Variants in ADARB2 observed in about 807,000 individuals in gnomAD.
The protein encoded by ADARB2 is inactive double-stranded RNA-specific editase B2.
In ADARB2, 25 loss-of-function variants were observed where a neutral mutation model predicts 62.2. That is an observed-to-expected ratio of 0.40 (90% CI 0.29 to 0.56). The LOEUF (loss-of-function observed/expected upper bound fraction) is 0.56, where lower values mean the gene tolerates loss of function less well. ADARB2 is among the 20% of genes least tolerant of loss of function. The pLI, the probability that ADARB2 is intolerant of heterozygous loss-of-function variation, is 0.43. For synonymous variants in ADARB2, 572 were observed against 500.8 expected, an observed-to-expected ratio of 1.14 and a Z score of -1.90; for missense variants, 1,071 against 1,077.4, an observed-to-expected ratio of 0.99 and a Z score of 0.08.
intron 1 of ADARB2, among the ~76,000 whole-genome samples, chr10:1,502,963 G>A (rs1469268518): frequency 2.6e-5 from 4 of 151,840 alleles, no homozygotes; most frequent in African/African-American, 4.8e-5. Flanking sequence ...TATTTTTTGC[G>A]GCAATCTAGC....
At chr10:1,735,746 C>G (rs554931770) in intron 1 of ADARB2, among the ~76,000 whole-genome samples, 78 of 152,238 alleles carry the variant, frequency 5.1e-4, no homozygotes, top group Non-Finnish European at 2.1e-4. Context: ...AAACCAAAGG[C>G]TCCAAAACCT....
At chr10:1,276,636 G>C (rs998218324) in intron 3 of ADARB2, among the ~76,000 whole-genome samples, 1 of 151,950 alleles carries the variant, frequency 6.6e-6, no homozygotes, top group Non-Finnish European at 1.5e-5. Flanking sequence ...AAAAGACTTA[G>C]ACTCCCAAAC....
Position 1,709,896 on chromosome 10 carries a change from A to G in ADARB2, c.100+27155T>C, listed in dbSNP as rs199688828. On this transcript the variant is annotated intron_variant, in intron 1 of 9. Transcript: ENST00000381312. ...AACTTTAAGCAGAATTTCAAGTGCC[A>G]AGTCTCTAAAGCCAAGTGGGGCTAT... 1.8e-4 allele frequency among the ~76,000 whole-genome samples: 27 copies of G among 152,346 alleles called. No individual in the cohort carries two copies. The East Asian group carries it at 5.2e-3, about 29-fold the overall frequency.
At chr10:1,190,072 A>C (rs914416366) in intron 8 of ADARB2, among the ~76,000 whole-genome samples, 2 of 152,134 alleles carry the variant, frequency 1.3e-5, no homozygotes, top group African/African-American at 4.8e-5. Flanking sequence ...TGAACTCAGA[A>C]AACGTGAGCA....
At chr10:1,550,848 G>A (rs1226603906) in intron 1 of ADARB2, among the ~76,000 whole-genome samples, 1 of 144,860 alleles carries the variant, frequency 6.9e-6, no homozygotes, top group Non-Finnish European at 1.5e-5. Flanking sequence ...CGGTCCCCGC[G>A]CTTCCCAGGC....
At chr10:1,409,627 GTGGTGCCGAGGCCTGGCTGTGGTCA>G (rs1383665648) in intron 1 of ADARB2, among the ~76,000 whole-genome samples, 12 of 142,018 alleles carry the variant, frequency 8.4e-5, no homozygotes, top group East Asian at 6.8e-4. Flanking sequence ...ATGATTGTCA[GTGGTGCCGAGGCCTGGCTGTGGTCA>G]TGGTGCCGAG....
At chr10:1,595,932 G>A (rs1189293612) in intron 1 of ADARB2, among the ~76,000 whole-genome samples, 4 of 152,288 alleles carry the variant, frequency 2.6e-5, no homozygotes, top group African/African-American at 4.8e-5. Context: ...CGCTGGCCTC[G>A]CTCATGCCTT....
intron 1 of ADARB2, among the ~76,000 whole-genome samples, chr10:1,731,372 A>T (rs765255999): frequency 1.4e-4 from 22 of 152,234 alleles, no homozygotes; most frequent in Non-Finnish European, 2.4e-4. Flanking sequence ...GGATGTCTTG[A>T]TACTAAGACA....
Position 1,179,901 on chromosome 10 carries a change from T to C in ADARB2, c.*3292A>G, listed in dbSNP as rs1836644687. ...CCCCTTGTGTCGTGCCCAGCGTATT[T>C]TCAGGGTGACAGAAAGTGACCCATC... On this transcript the variant is annotated 3_prime_UTR_variant, in exon 10 of 10. Coordinates refer to ENST00000381312, the MANE Select transcript of ADARB2 (RefSeq NM_018702.4). 3 of 151,940 alleles carry C rather than the reference T, an allele frequency of 2.0e-5. No homozygotes were observed. The highest frequency in any genetic ancestry group is 1.3e-4 in the Admixed American group (2 of 15,264). 9.4% of individuals were successfully genotyped at this position (151,940 alleles called of 1,614,324 possible).
intron 1 of ADARB2, among the ~76,000 whole-genome samples, chr10:1,472,103 C>T (rs904320798): frequency 9.2e-5 from 14 of 152,190 alleles, no homozygotes; most frequent in East Asian, 1.9e-4. Context: ...GCCAGTGAGA[C>T]GGCTGAGATG....
Position 1,183,089 on chromosome 10 carries a change from A to C in ADARB2, c.*104T>G, listed in dbSNP as rs1248491766. The C allele has an allele frequency of 3.7e-6, 5 of 1,345,390 alleles. No homozygotes were observed. The Admixed American group carries it at 1.1e-4, about 31-fold the overall frequency. The allele number at this position is 1,345,390 out of a possible 1,614,324, so 83.3% of individuals were successfully genotyped here. On this transcript the variant is annotated 3_prime_UTR_variant, in exon 10 of 10. Transcript: ENST00000381312. Reference sequence around the variant, plus strand: ...CACTCGCGTGTTTCTGGGACACCAAAGTAAAACGAATGCAGGGAACCGGCC... The same window carrying C: ...CACTCGCGTGTTTCTGGGACACCAACGTAAAACGAATGCAGGGAACCGGCC...
rs55975325 is a variant in ADARB2 at position 1,428,292 on chromosome 10, A to AT, written c.101-49133dup. Among the ~76,000 whole-genome samples the AT allele has an allele frequency of 3.8e-3, 485 of 128,150 alleles. 1 individual carries two copies. Among genetic ancestry groups the AT allele is most frequent in the Middle Eastern group, 0.011 (2 of 180 alleles). The allele number at this position is 128,150 out of a possible 152,430, so 84.1% of individuals were successfully genotyped here. On this transcript the variant is annotated intron_variant, in intron 1 of 9. Transcript: ENST00000381312. Reference sequence around the variant, plus strand: ...CTGCCTCCAAAATGTTTTTATGCCTATTTTTTTTTTTTTTGACAGAGTCTT... The same window carrying AT: ...CTGCCTCCAAAATGTTTTTATGCCTATTTTTTTTTTTTTTTGACAGAGTCTT...
intron 8 of ADARB2, chr10:1,199,745 C>T: frequency 2.1e-6 from 1 of 485,892 alleles, no homozygotes; most frequent in East Asian, 3.3e-5. Flanking sequence ...CACCATCACA[C>T]AATCACGAAT....
chr10:1,286,269 A>G (rs1428956936), intron 3 of ADARB2, among the ~76,000 whole-genome samples: 1 of 152,108 alleles, frequency 6.6e-6, no homozygotes, highest in Admixed American at 6.5e-5. Context: ...GCCAAACACA[A>G]ACCGAAGCCT....
intron 7 of ADARB2, among the ~76,000 whole-genome samples, chr10:1,207,876 C>T (rs1210476591): frequency 6.6e-6 from 1 of 152,184 alleles, no homozygotes; most frequent in Non-Finnish European, 1.5e-5. Context: ...GCTAAAAGCA[C>T]CTCTGCAGTT....
intron 1 of ADARB2, among the ~76,000 whole-genome samples, chr10:1,515,452 G>A (rs1831996577): frequency 6.6e-6 from 1 of 152,264 alleles, no homozygotes; most frequent in Admixed American, 6.5e-5. Flanking sequence ...AGCTTTCTGG[G>A]TGATGAGGGG....
Position 1,529,871 on chromosome 10 carries a change from C to A in ADARB2, c.101-150711G>T, listed in dbSNP as rs1350896139. ...GCCGCTCTCTGCTCCCCTGTGACTG[C>A]GGGCACACGTCCACTGCCCCCTGCC... On this transcript the variant is annotated intron_variant, in intron 1 of 9. Transcript: ENST00000381312. 4.0e-5 allele frequency among the ~76,000 whole-genome samples: 6 copies of A among 151,792 alleles called. No homozygotes were observed. The East Asian group carries it at 5.8e-4, about 15-fold the overall frequency.
chr10:1,633,554 ATCTATCTATCTATCTATC>A (rs1833871420), intron 1 of ADARB2, among the ~76,000 whole-genome samples: 2 of 71,030 alleles, frequency 2.8e-5, no homozygotes, highest in South Asian at 7.7e-4. Context: ...TCTATCATCT[ATCTATCTATCTATCTATC>A]TATCTATCTA....
intron 7 of ADARB2, among the ~76,000 whole-genome samples, chr10:1,211,717 T>C (rs1837155119): frequency 6.6e-6 from 1 of 152,168 alleles, no homozygotes; most frequent in Non-Finnish European, 1.5e-5. Context: ...CAGTGTGAGG[T>C]CACTGAGCAG....
Sources: gnomAD v4.1 joint callset for allele counts (sites outside exome capture counted in the v4.1 genomes callset) on GRCh38, gnomAD v4.1.1 for gene constraint, MANE v1.5 for transcripts, NCBI Gene and HGNC (gene_info 2026-07-23, HGNC 2026-07-21) for gene names.